The following SPTBN4 variants were observed in gnomAD, a reference collection of about 807,000 sequenced individuals.
SPTBN4 encodes spectrin beta, non-erythrocytic 4, also known as spectrin beta chain, non-erythrocytic 4.
A neutral mutation model predicts 277.8 loss-of-function variants in SPTBN4; 96 were observed. That is an observed-to-expected ratio of 0.35 (90% CI 0.29 to 0.41). The LOEUF is 0.41. Ranked by LOEUF, SPTBN4 falls within the 10% of genes least tolerant of loss-of-function variation. The pLI, the probability that SPTBN4 is intolerant of heterozygous loss-of-function variation, is 1.00. For missense variants in SPTBN4, 3,006 were observed against 3,595.7 expected (o/e 0.84, Z 4.19); for synonymous variants, 1,481 against 1,580.3 (o/e 0.94, Z 1.49).
intron 12 of SPTBN4, 28 bp from the exon 13 acceptor site, chr19:40,506,208 G>GTGTGCTCAGTGC (rs755008743): frequency 1.3e-6 from 2 of 1,593,200 alleles, no homozygotes; most frequent in Admixed American, 3.4e-5. Context: ...AGTGCCAGAG[G>GTGTGCTCAGTGC]TGTGCTCAGT....
Position 40,536,559 on chromosome 19 carries a change from G to C in SPTBN4, c.4359+2216G>C, listed in dbSNP as rs1300714326. On this transcript the variant is annotated intron_variant, in intron 20 of 35. Transcript: ENST00000598249. Reference sequence around the variant, plus strand: ...TAGAATAGCAGTTCTCAAATGTCTGGGTCTCCAGGACCCCCCTTACACTCT... The same window carrying C: ...TAGAATAGCAGTTCTCAAATGTCTGCGTCTCCAGGACCCCCCTTACACTCT... 2.6e-5 allele frequency among the ~76,000 whole-genome samples: 4 copies of C among 152,064 alleles called. No homozygotes were observed. In the East Asian group the frequency reaches 7.7e-4, roughly 29 times the overall value.
At position 40,560,424 on chromosome 19, in the gene SPTBN4, G is replaced by C. The variant is rs905967221; in HGVS notation, c.5915+21G>C. 21 of 1,613,690 alleles carry C rather than the reference G, an allele frequency of 1.3e-5. No homozygotes were observed. Among genetic ancestry groups the C allele is most frequent in the Non-Finnish European group, 1.8e-5 (21 of 1,179,842 alleles). On this transcript the variant is annotated intron_variant, in intron 27 of 35. Coordinates refer to ENST00000598249, the MANE Select transcript of SPTBN4 (RefSeq NM_020971.3). The surrounding 1 kb of genome is among the most constrained non-coding windows in gnomAD (Gnocchi z 5.2). ...CCCAGGTGCCCCTCATCCCTCCTCG[G>C]GCTTCCTGCCTCCCCCTGGTGGCCT...
At chr19:40,548,666 G>A (rs2080883491) in intron 20 of SPTBN4, among the ~76,000 whole-genome samples, 1 of 150,624 alleles carries the variant, frequency 6.6e-6, no homozygotes, top group South Asian at 2.1e-4. Context: ...AGTGAGCCAA[G>A]ATTACGCCAT....
chr19:40,512,563 T>A, intron 13 of SPTBN4, 43 bp from the exon 14 acceptor site: 2 of 1,483,626 alleles, frequency 1.3e-6, no homozygotes, highest in Non-Finnish European at 1.8e-6. Flanking sequence ...GGGCGCCCCT[T>A]GGCTTGTGAC....
At chr19:40,569,844 CAG>C in intron 32 of SPTBN4, 118 bp downstream of exon 32, 1 of 938,330 alleles carries the variant, frequency 1.1e-6, no homozygotes, top group Non-Finnish European at 1.5e-6. Context: ...CTGGACCCTG[CAG>C]AGACAGCATG....
chr19:40,547,095 A>AG (rs1328426727), intron 20 of SPTBN4, among the ~76,000 whole-genome samples: 4 of 152,116 alleles, frequency 2.6e-5, no homozygotes, highest in African/African-American at 9.7e-5. Flanking sequence ...TTTGTTACAT[A>AG]GGAATTCATG....
chr19:40,492,827 C>A, intron 4 of SPTBN4, 136 bp from the exon 5 acceptor site: 2 of 664,148 alleles, frequency 3.0e-6, no homozygotes, highest in South Asian at 3.5e-5. Flanking sequence ...ACTCCTGGAC[C>A]CCCACCCCCA....
Position 40,523,450 on chromosome 19 carries a change from C to G in SPTBN4, c.3668C>G (p.Ser1223Cys). The G allele has an allele frequency of 6.2e-7, 1 of 1,607,220 alleles. No individual in the cohort carries two copies. The highest frequency in any genetic ancestry group is 8.5e-7 in the Non-Finnish European group (1 of 1,176,526). The change falls in exon 17 of 36, where the codon TCT becomes TGT. Residue 1223 changes from serine to cysteine, a missense_variant. By Grantham distance (112) the Ser-to-Cys change is moderately radical. Transcript: ENST00000598249. ...CCTCCTCCCCAGGAGATGGCGCTGT[C>G]TGGTGCGGAGCTCCCGGGCACAGTG... ...VVLRNQEMAL[S>C]GAELPGTVES...
intron 19 of SPTBN4, among the ~76,000 whole-genome samples, chr19:40,533,125 A>G (rs2080697136): frequency 6.6e-6 from 1 of 152,132 alleles, no homozygotes; most frequent in Non-Finnish European, 1.5e-5. Flanking sequence ...AGACCCTGGG[A>G]AGCCCAGGGT....
chr19:40,477,278 G>C, intron 2 of SPTBN4, among the ~76,000 whole-genome samples: 1 of 151,698 alleles, frequency 6.6e-6, no homozygotes, highest in Non-Finnish European at 1.5e-5. Context: ...TGAACTCCTG[G>C]ACTCAAGTGA....
In SPTBN4 at chr19:40,549,384, C is replaced by T; in HGVS notation, c.4555C>T (p.Gln1519Ter). Reference sequence around the variant, plus strand: ...GCTGCTGGCTTCCAAGGAGTTGCACCAGGTGGCGCACGACCTGGACGACGA... The same window carrying T: ...GCTGCTGGCTTCCAAGGAGTTGCACTAGGTGGCGCACGACCTGGACGACGA... ...RLLLASKELHQVAHDLDDELA... is the reference protein window; with the variant it reads ...RLLLASKELH The change falls in exon 21 of 36, where the codon CAG becomes TAG. Residue 1519 changes from glutamine (Q) to a stop codon, truncating the protein, a stop_gained. Transcript: ENST00000598249. LOFTEE classifies it high-confidence loss of function. The T allele has an allele frequency of 2.2e-6, 3 of 1,369,258 alleles. No individual in the cohort carries two copies. The highest frequency in any genetic ancestry group is 2.9e-6 in the Non-Finnish European group (3 of 1,049,250). The allele number at this position is 1,369,258 out of a possible 1,614,324, so 84.8% of individuals were successfully genotyped here.
chr19:40,549,010 C>G (rs753547336), intron 20 of SPTBN4, among the ~76,000 whole-genome samples, 179 bp from the exon 21 acceptor site: 20 of 152,234 alleles, frequency 1.3e-4, no homozygotes, highest in Non-Finnish European at 2.8e-4. Flanking sequence ...GAGGCAGGGA[C>G]TAGCTTAGTG....
chr19:40,568,085 G>A lies in SPTBN4; in HGVS notation c.6759G>A (p.Glu2253=). ...LPRRRRPERQ[E]SVDQSEEAAR... ...GGAGGCGGCGGCCTGAGCGGCAAGA[G>A]TCAGTCGATCAATCCGAGGAGGCTG... The change falls in exon 31 of 36, where the codon GAG becomes GAA. Residue 2253 remains glutamate, a synonymous_variant. Transcript: ENST00000598249. 1 of 1,565,090 alleles carries A rather than the reference G, an allele frequency of 6.4e-7. No homozygotes were observed. The highest frequency in any genetic ancestry group is 1.2e-5 in the South Asian group (1 of 85,206).
rs751358755 is a variant in SPTBN4 at position 40,519,923 on chromosome 19, C to T, written c.3426C>T (p.Arg1142=). 11 of 1,562,100 alleles carry T rather than the reference C, an allele frequency of 7.0e-6. 2 individuals are homozygous for T. In the South Asian group the frequency reaches 1.3e-4, roughly 18 times the overall value. ...CGCTCAAGGAGGAGGTGGACCAGCG[C>T]GAGGAAGACTATGCTCGCATCGTGG... ...HAALKEEVDQ[R]EEDYARIVAA... is the part of the protein sequence containing the mutation. The change falls in exon 16 of 36, where the codon CGC becomes CGT. Residue 1142 remains arginine (R), a synonymous_variant. Coordinates refer to ENST00000598249, the MANE Select transcript of SPTBN4 (RefSeq NM_020971.3). The surrounding 1 kb of genome is among the most constrained non-coding windows in gnomAD (Gnocchi z 5.7).
rs566193157 is a variant in SPTBN4, at chr19:40,513,391, G to C, written c.2602G>C (p.Glu868Gln). ...AGAGCAGTTGTTCGCTGAGGTGACC[G>C]AAGTGGCGGCGCTGAGGCGCCAGTG... ...EAEQLFAEVT[E>Q]VAALRRQWLR... The change falls in exon 14 of 36, where the codon GAA (glutamate) becomes CAA (glutamine). Residue 868 changes from glutamate (E) to glutamine (Q), a missense_variant. Glu to Gln is a conservative substitution (Grantham distance 29). Coordinates refer to ENST00000598249, the MANE Select transcript of SPTBN4 (RefSeq NM_020971.3). 7 of 1,605,038 alleles carry C rather than the reference G, an allele frequency of 4.4e-6. No individual in the cohort carries two copies. In the Admixed American group the frequency reaches 6.8e-5, roughly 16 times the overall value.
In SPTBN4 at chr19:40,568,189, A is replaced by T. The variant is rs369399802; in HGVS notation, c.6863A>T (p.Gln2288Leu). ...AGCCTTACCCTGGGCCGCTATGAGC[A>T]GATGGAGCGGCGGCGCGAGCGGCGT... ...AHSLTLGRYE[Q>L]MERRRERRER... is the part of the protein sequence containing the mutation. Residue 2288 changes from glutamine to leucine, a missense_variant, in exon 31 of 36, where the codon CAG becomes CTG. By Grantham distance (113) the Gln-to-Leu change is moderately radical. Coordinates refer to ENST00000598249, the MANE Select transcript of SPTBN4 (RefSeq NM_020971.3). 4.4e-5 allele frequency: 71 copies of T among 1,595,546 alleles called. No individual in the cohort carries two copies. Among genetic ancestry groups the T allele is most frequent in the Non-Finnish European group, 5.6e-5 (66 of 1,171,470 alleles).
In SPTBN4 at chr19:40,515,387, G is replaced by C. The variant is rs748988561; in HGVS notation, c.2842G>C (p.Val948Leu). The change falls in exon 15 of 36, where the codon GTG becomes CTG. Residue 948 changes from valine to leucine, a missense_variant. Physicochemically the swap from Val to Leu is conservative, Grantham distance 32 (BLOSUM62 1). Transcript: ENST00000598249. The surrounding 1 kb of genome is among the most constrained non-coding windows in gnomAD (Gnocchi z 4.1). ...LDVNHTVQEL[V>L]EGGHPSSDEV... ...CGTGAACCACACAGTCCAGGAGCTGGTGGAAGGAGGCCACCCCAGTTCAGA... is the reference window on the plus strand; with the variant it reads ...CGTGAACCACACAGTCCAGGAGCTGCTGGAAGGAGGCCACCCCAGTTCAGA... 6.2e-7 allele frequency: 1 copy of C among 1,600,908 alleles called. No individual in the cohort carries two copies. Among genetic ancestry groups the C allele is most frequent in the East Asian group, 2.2e-5 (1 of 44,520 alleles).
At position 40,512,937 on chromosome 19, in the gene SPTBN4, G is replaced by T. The variant is rs766136629; in HGVS notation, c.2148G>T (p.Gln716His). 1 of 1,422,856 alleles carries T rather than the reference G, an allele frequency of 7.0e-7. No individual in the cohort carries two copies. The highest frequency in any genetic ancestry group is 1.5e-5 in the South Asian group (1 of 68,422). 88.1% of individuals were successfully genotyped at this position (1,422,856 alleles called of 1,614,324 possible). The change falls in exon 14 of 36, where the codon CAG becomes CAT. Residue 716 changes from glutamine to histidine, a missense_variant. Around this residue, in one of 5 missense-constraint regions of SPTBN4, gnomAD observed 1,759 missense variants for 2,061.5 expected, o/e 0.85. Coordinates refer to ENST00000598249, the MANE Select transcript of SPTBN4 (RefSeq NM_020971.3). ...TGGGCGGGCGGCGAGCGTTGCTGCA[G>T]CAGGCCCTGCGGTGTGGCGAGGAGC... ...GELGGRRALL[Q>H]QALRCGEELV...
rs758332510 is a variant in SPTBN4, at chr19:40,519,585, G to T, written c.3088G>T (p.Ala1030Ser). Residue 1030 changes from alanine (A) to serine (S), a missense_variant, in exon 16 of 36, where the codon GCT becomes TCT. Around this residue, in one of 5 missense-constraint regions of SPTBN4, gnomAD observed 1,759 missense variants for 2,061.5 expected, o/e 0.85. Coordinates refer to ENST00000598249, the MANE Select transcript of SPTBN4 (RefSeq NM_020971.3). The surrounding 1 kb of genome is among the most constrained non-coding windows in gnomAD (Gnocchi z 5.7). ...LQWRLSGLEA[A>S]LQALEPRQAA... ...GTGGCGTCTTAGCGGCCTAGAGGCC[G>T]CTCTGCAGGCGCTGGAGCCGCGCCA... 2.7e-6 allele frequency: 4 copies of T among 1,488,134 alleles called. No individual in the cohort carries two copies. The highest frequency in any genetic ancestry group is 1.3e-5 in the South Asian group (1 of 76,948). The allele number at this position is 1,488,134 out of a possible 1,614,324, so 92.2% of individuals were successfully genotyped here.
Sources: allele counts gnomAD v4.1 joint callset (sites outside exome capture counted in the v4.1 genomes callset), GRCh38; gene constraint gnomAD v4.1.1; regional missense constraint gnomAD v4.1.1; non-coding constraint Gnocchi (gnomAD v3.1); transcripts MANE v1.5; gene names NCBI Gene and HGNC (gene_info 2026-07-23, HGNC 2026-07-21).